The following SLC7A5 variants were observed in gnomAD, a reference collection of about 807,000 sequenced individuals.
SLC7A5 encodes solute carrier family 7 member 5.
In SLC7A5, 23 loss-of-function variants were observed where a neutral mutation model predicts 50.2. That is an observed-to-expected ratio of 0.46 (90% CI 0.33 to 0.65). The LOEUF (loss-of-function observed/expected upper bound fraction) is 0.65, where lower values mean the gene tolerates loss of function less well. SLC7A5 is among the 30% of genes least tolerant of loss of function. The probability of loss-of-function intolerance (pLI) is 0.02; values close to 1 mark genes in which losing one functional copy is unlikely to be tolerated. For missense variants in SLC7A5, 578 were observed against 684.4 expected (o/e 0.84, Z 1.73); for synonymous variants, 393 against 330.6 (o/e 1.19, Z -2.05).
At position 87,836,885 on chromosome 16, in the gene SLC7A5, G is replaced by T. The variant is rs1254143919; in HGVS notation, c.1141-238C>A. The T allele has an allele frequency of 9.9e-6, 5 of 504,296 alleles. No individual in the cohort carries two copies. The East Asian group carries it at 1.8e-4, about 19-fold the overall frequency. The allele number at this position is 504,296 out of a possible 1,614,324, so 31.2% of individuals were successfully genotyped here. A position where few individuals can be genotyped will look rare whatever the true frequency, so the allele number is the denominator to read the frequency against. On this transcript the variant is annotated intron_variant, in intron 7 of 9. Transcript: ENST00000261622. ...GGAGGGAAGGAGGGAGGAGAGGAGG[G>T]AAGGAGGGAGGAGAGGAGGAAATGG... is the stretch of plus-strand genomic sequence containing the variant.
At chr16:87,844,767 T>G (rs534644049) in intron 2 of SLC7A5, among the ~76,000 whole-genome samples, 1 of 152,342 alleles carries the variant, frequency 6.6e-6, no homozygotes, top group African/African-American at 2.4e-5. Flanking sequence ...AGCGCGGACT[T>G]TCCACTGTGC....
chr16:87,836,447 G>A, intron 8 of SLC7A5, 51 bp downstream of exon 8: 2 of 1,596,276 alleles, frequency 1.3e-6, no homozygotes, highest in Non-Finnish European at 1.7e-6. Context: ...AGGACCCACG[G>A]ACCCTGCCTC....
intron 1 of SLC7A5, among the ~76,000 whole-genome samples, chr16:87,859,510 C>G (rs1355921193): frequency 6.6e-6 from 1 of 152,182 alleles, no homozygotes. Context: ...TAAAGGGACC[C>G]CTCCTATTGC....
rs143598852 is a variant in SLC7A5 at position 87,834,502 on chromosome 16, G to T, written c.1380C>A (p.Ile460=). 9 of 1,589,758 alleles carry T rather than the reference G, an allele frequency of 5.7e-6. No homozygotes were observed. The highest frequency in any genetic ancestry group is 2.3e-5 in the East Asian group (1 of 44,088). ...GCCCGCTGAGGATGATGGTGAAGCCGATGCCACACTCCACGGGTGTCTTCC... is the reference window on the plus strand; with the variant it reads ...GCCCGCTGAGGATGATGGTGAAGCCTATGCCACACTCCACGGGTGTCTTCC... The part of the protein sequence containing the change: ...SFWKTPVECG[I]GFTIILSGLP... Residue 460 remains isoleucine (I), a synonymous_variant, in exon 9 of 10, where the codon ATC becomes ATA. Transcript: ENST00000261622.
rs1248360457 is a variant in SLC7A5 at position 87,841,653 on chromosome 16, C to T, written c.665-498G>A. On this transcript the variant is annotated intron_variant, in intron 2 of 9. Transcript: ENST00000261622. This position sits in a 1 kb window ranked among gnomAD's most constrained non-coding sequence, Gnocchi z 4.8. Reference sequence around the variant, plus strand: ...CTCCCTCCAGGGCTGGCAGGACAGGCCTGGGCAAGAACATAGGTTTGTCCT... The same window carrying T: ...CTCCCTCCAGGGCTGGCAGGACAGGTCTGGGCAAGAACATAGGTTTGTCCT... Among the ~76,000 whole-genome samples, 3 of 152,070 alleles carry T rather than the reference C, an allele frequency of 2.0e-5. No homozygotes were observed. Among genetic ancestry groups the T allele is most frequent in the East Asian group, 3.9e-4 (2 of 5,194 alleles).
rs911983874 is a variant in SLC7A5 at position 87,849,940 on chromosome 16, G to C, written c.664+1784C>G. Among the ~76,000 whole-genome samples the C allele has an allele frequency of 3.9e-5, 6 of 152,172 alleles. 1 individual carries two copies. In the South Asian group the frequency reaches 1.2e-3, roughly 31 times the overall value. The stretch of plus-strand genomic sequence containing the variant: ...GGGACTTCCCCTCGACGATGAGGCA[G>C]GTAACTAACACCTGCTGCAGACTTT... On this transcript the variant is annotated intron_variant, in intron 2 of 9. Coordinates refer to ENST00000261622, the MANE Select transcript of SLC7A5 (RefSeq NM_003486.7).
intron 2 of SLC7A5, among the ~76,000 whole-genome samples, chr16:87,849,341 G>A (rs1444663699): frequency 2.0e-5 from 3 of 152,192 alleles, no homozygotes; most frequent in African/African-American, 7.2e-5. Flanking sequence ...AGCCAAACAG[G>A]AGACAGGAAT....
In SLC7A5 at chr16:87,861,769, GA is replaced by G. The variant is rs1433131084; in HGVS notation, c.538+7115del. Among the ~76,000 whole-genome samples the G allele has an allele frequency of 6.6e-6, 1 of 152,218 alleles. No homozygotes were observed. Among genetic ancestry groups the G allele is most frequent in the Non-Finnish European group, 1.5e-5 (1 of 68,036 alleles). ...ATTATGAAAGAGGTCTGTGACCCAAGAAAAAAGGGTCACAAGTGCCCGTTAG... is the reference window on the plus strand; with the variant it reads ...ATTATGAAAGAGGTCTGTGACCCAAGAAAAAGGGTCACAAGTGCCCGTTAG... On this transcript the variant is annotated intron_variant, in intron 1 of 9. Coordinates refer to ENST00000261622, the MANE Select transcript of SLC7A5 (RefSeq NM_003486.7). This position sits in a 1 kb window ranked among gnomAD's most constrained non-coding sequence, Gnocchi z 4.2.
rs565777667 is a variant in SLC7A5 at position 87,858,325 on chromosome 16, T to G, written c.539-6476A>C. Among the ~76,000 whole-genome samples the G allele has an allele frequency of 2.6e-5, 4 of 152,280 alleles. No homozygotes were observed. In the East Asian group the frequency reaches 7.7e-4, roughly 29 times the overall value. On this transcript the variant is annotated intron_variant, in intron 1 of 9. Coordinates refer to ENST00000261622, the MANE Select transcript of SLC7A5 (RefSeq NM_003486.7). The stretch of plus-strand genomic sequence containing the variant: ...ATTAATCTGACCAGTCACCGCAGCA[T>G]GAGTATCTTCAGGGCACAGATGAAG...
chr16:87,848,163 C>G (rs1388183330), intron 2 of SLC7A5, among the ~76,000 whole-genome samples: 1 of 152,244 alleles, frequency 6.6e-6, no homozygotes, highest in Non-Finnish European at 1.5e-5. Context: ...ATACTGACCT[C>G]CAACAGTACA....
intron 1 of SLC7A5, among the ~76,000 whole-genome samples, chr16:87,859,982 A>G (rs1481184138): frequency 6.6e-6 from 1 of 151,330 alleles, no homozygotes; most frequent in African/African-American, 2.4e-5. Flanking sequence ...TTACCCAGAT[A>G]CTCCTTTCTA....
rs1191811358 is a variant in SLC7A5, at chr16:87,830,350, A to G, written c.*2620T>C. ...ACGTTAGCACAAAACAAAAAAGCACAACGACTGAAAATGCACTTGCTTGTT... is the reference window on the plus strand; with the variant it reads ...ACGTTAGCACAAAACAAAAAAGCACGACGACTGAAAATGCACTTGCTTGTT... On this transcript the variant is annotated 3_prime_UTR_variant, in exon 10 of 10. Transcript: ENST00000261622. 6.6e-6 allele frequency: 1 copy of G among 152,008 alleles called. No homozygotes were observed. Among genetic ancestry groups the G allele is most frequent in the African/African-American group, 2.4e-5 (1 of 41,434 alleles). 9.4% of individuals were successfully genotyped at this position (152,008 alleles called of 1,614,324 possible). A position where few individuals can be genotyped will look rare whatever the true frequency, so the allele number is the denominator to read the frequency against.
intron 1 of SLC7A5, among the ~76,000 whole-genome samples, chr16:87,858,442 CCT>C (rs1367303237): frequency 6.6e-6 from 1 of 152,174 alleles, no homozygotes; most frequent in African/African-American, 2.4e-5. Flanking sequence ...CACTCCAAAC[CCT>C]CTACAGCTCC....
At chr16:87,838,895 A>C (rs1169163192) in intron 5 of SLC7A5, 78 bp from the exon 6 acceptor site, 1 of 1,055,808 alleles carries the variant, frequency 9.5e-7, no homozygotes, top group Non-Finnish European at 1.5e-6. Context: ...AGCCCTCTGC[A>C]CCGGGCCAGC....
chr16:87,838,558 G>A (rs1040102736), intron 6 of SLC7A5, among the ~76,000 whole-genome samples, 156 bp downstream of exon 6: 3 of 152,216 alleles, frequency 2.0e-5, no homozygotes, highest in African/African-American at 7.2e-5. Context: ...CTCCTAAAGT[G>A]CTGGGATTAC....
At chr16:87,840,546 C>T in intron 3 of SLC7A5, 73 bp from the exon 4 acceptor site, 1 of 1,315,448 alleles carries the variant, frequency 7.6e-7, no homozygotes, top group Non-Finnish European at 1.1e-6. Context: ...GAGAGAGCAT[C>T]CCAGGGCAGC....
rs755832829 is a variant in SLC7A5 at position 87,841,501 on chromosome 16, C to T, written c.665-346G>A. On this transcript the variant is annotated intron_variant, in intron 2 of 9. Coordinates refer to ENST00000261622, the MANE Select transcript of SLC7A5 (RefSeq NM_003486.7). The surrounding 1 kb of genome is among the most constrained non-coding windows in gnomAD (Gnocchi z 4.8). ...TTCAAGAAGGTTCCCTGAGACCTCA[C>T]GACATGAGTGTCAAGGCAGTATAAA... 2.0e-5 allele frequency among the ~76,000 whole-genome samples: 3 copies of T among 152,298 alleles called. No homozygotes were observed. The highest frequency in any genetic ancestry group is 6.5e-5 in the Admixed American group (1 of 15,300).
chr16:87,858,771 C>T (rs763847985), intron 1 of SLC7A5, among the ~76,000 whole-genome samples: 9 of 152,154 alleles, frequency 5.9e-5, no homozygotes, highest in African/African-American at 9.7e-5. Flanking sequence ...CAACAGCAAG[C>T]GGAAGCAAAT....
At chr16:87,843,757 C>A (rs1035772219) in intron 2 of SLC7A5, among the ~76,000 whole-genome samples, 4 of 152,166 alleles carry the variant, frequency 2.6e-5, no homozygotes, top group Non-Finnish European at 5.9e-5. Flanking sequence ...GGATGTCCTG[C>A]AATGCACGGG....
Sources: gnomAD v4.1 joint callset for allele counts (sites outside exome capture counted in the v4.1 genomes callset) on GRCh38, gnomAD v4.1.1 for gene constraint, Gnocchi (gnomAD v3.1) non-coding constraint, MANE v1.5 for transcripts, NCBI Gene and HGNC (gene_info 2026-07-23, HGNC 2026-07-21) for gene names.